Variants in HIVEP3 observed in about 807,000 individuals in gnomAD.
HIVEP3 encodes HIVEP zinc finger 3.
HIVEP3 carries 49 observed loss-of-function variants against 152.8 expected under a neutral mutation model. The observed-to-expected ratio is 0.32, with a 90% CI of 0.26 to 0.41. The LOEUF (loss-of-function observed/expected upper bound fraction) is 0.41. HIVEP3 is among the 10% of genes least tolerant of loss of function. The pLI, the probability that HIVEP3 is intolerant of heterozygous loss-of-function variation, is 1.00. For missense variants in HIVEP3, 2,790 were observed against 3,103.3 expected (o/e 0.90, Z 2.40); for synonymous variants, 1,269 against 1,289.0 (o/e 0.98, Z 0.33).
chr1:41,884,921 C>T (rs1644320328), intron 1 of HIVEP3, among the ~76,000 whole-genome samples: 1 of 152,156 alleles, frequency 6.6e-6, no homozygotes, highest in Non-Finnish European at 1.5e-5. Flanking sequence ...CACCATAACT[C>T]TTAGCCCAAC....
intron 5 of HIVEP3, among the ~76,000 whole-genome samples, chr1:41,528,221 T>C (rs1397965879): frequency 1.9e-5 from 1 of 51,980 alleles, no homozygotes; most frequent in East Asian, 6.5e-4. Context: ...ACCTTCACAC[T>C]CCACCCTCAC....
chr1:41,901,909 G>A (rs748551042), intron 1 of HIVEP3, among the ~76,000 whole-genome samples: 7 of 152,172 alleles, frequency 4.6e-5, no homozygotes, highest in Admixed American at 1.3e-4. Flanking sequence ...CTGTTAGGGC[G>A]AGCTCCTTGT....
chr1:41,966,353 T>C (rs1371760382), intron 1 of HIVEP3, among the ~76,000 whole-genome samples: 1 of 152,156 alleles, frequency 6.6e-6, no homozygotes, highest in African/African-American at 2.4e-5. Flanking sequence ...AGCATCATGA[T>C]GACGGGATCA....
At chr1:41,915,317 A>T (rs1181299551) in intron 1 of HIVEP3, among the ~76,000 whole-genome samples, 1 of 152,204 alleles carries the variant, frequency 6.6e-6, no homozygotes, top group African/African-American at 2.4e-5. Flanking sequence ...GCTTACATTA[A>T]ATGCTCATAT....
intron 5 of HIVEP3, among the ~76,000 whole-genome samples, chr1:41,537,095 C>T (rs116054241): frequency 0.015 from 2,266 of 152,266 alleles, 50 homozygotes; most frequent in African/African-American, 0.049. Flanking sequence ...CCTTCAAGCC[C>T]GTGACTTTTC....
intron 6 of HIVEP3, among the ~76,000 whole-genome samples, chr1:41,520,386 T>C (rs1016645368): frequency 2.6e-5 from 4 of 152,138 alleles, no homozygotes; most frequent in Non-Finnish European, 4.4e-5. Context: ...CTCCTGGCCA[T>C]AGTGGGAGCA....
intron 1 of HIVEP3, among the ~76,000 whole-genome samples, chr1:41,869,790 G>GT (rs1278914007): frequency 2.6e-5 from 4 of 152,174 alleles, no homozygotes; most frequent in Non-Finnish European, 4.4e-5. Context: ...AATCTGTACA[G>GT]TTTTTTAATA....
In HIVEP3 at chr1:41,582,213, T is replaced by C. The variant is rs1474110396; in HGVS notation, c.2585A>G (p.Glu862Gly). 6.2e-7 allele frequency: 1 copy of C among 1,614,048 alleles called. No homozygotes were observed. Residue 862 changes from glutamate (E) to glycine (G), a missense_variant, in exon 4 of 9, where the codon GAG becomes GGG. Coordinates refer to ENST00000372583, the MANE Select transcript of HIVEP3 (RefSeq NM_024503.5). The surrounding 1 kb of genome is among the most constrained non-coding windows in gnomAD (Gnocchi z 4.7). ...NIQVPEILVT[E>G]EPDRPDTEPE... ...CTCTGTGTCCGGCCGGTCAGGCTCC[T>C]CAGTTACTAGGATCTCAGGAACCTG...
At chr1:41,518,272 GGA>G (rs1157759492) in intron 7 of HIVEP3, 128 bp downstream of exon 7, 1 of 781,194 alleles carries the variant, frequency 1.3e-6, no homozygotes, top group East Asian at 2.5e-5. Flanking sequence ...GCTATTGGAG[GGA>G]GAGAGGGGAG....
chr1:41,837,489 G>A (rs749293595), intron 1 of HIVEP3, among the ~76,000 whole-genome samples: 4 of 151,932 alleles, frequency 2.6e-5, no homozygotes, highest in Non-Finnish European at 5.9e-5. Flanking sequence ...ACCACACCCC[G>A]CTAATTTTAT....
intron 1 of HIVEP3, among the ~76,000 whole-genome samples, chr1:41,793,537 C>A (rs1649816526): frequency 6.6e-6 from 1 of 152,078 alleles, no homozygotes; most frequent in African/African-American, 2.4e-5. Flanking sequence ...CCTTTCCCAC[C>A]ACATCATAAG....
chr1:41,816,726 C>T (rs1651290828), intron 1 of HIVEP3, among the ~76,000 whole-genome samples: 2 of 152,170 alleles, frequency 1.3e-5, no homozygotes, highest in African/African-American at 4.8e-5. Context: ...TCTATTCTTA[C>T]AGCATTTGTT....
rs866221007 is a variant in HIVEP3 at position 41,757,261 on chromosome 1, G to A, written c.-800-56266C>T. Among the ~76,000 whole-genome samples, 47 of 151,766 alleles carry A rather than the reference G, an allele frequency of 3.1e-4. No individual in the cohort carries two copies. In the Middle Eastern group the frequency reaches 0.024, roughly 77 times the overall value. On this transcript the variant is annotated intron_variant, in intron 1 of 8. Transcript: ENST00000372583. ...CTCCCGAGTAGCTGGGACTACAGGC[G>A]CCTGCCACCATGCCCGGCTAATTTT...
chr1:41,577,956 G>A (rs924932993), intron 4 of HIVEP3, among the ~76,000 whole-genome samples: 1 of 152,198 alleles, frequency 6.6e-6, no homozygotes, highest in Non-Finnish European at 1.5e-5. Context: ...CCAAGAAAAA[G>A]TTCGCAGGTT....
At chr1:41,618,826 C>T (rs1042469803) in intron 3 of HIVEP3, among the ~76,000 whole-genome samples, 1 of 152,188 alleles carries the variant, frequency 6.6e-6, no homozygotes, top group African/African-American at 2.4e-5. Context: ...AGCCTGGCTC[C>T]CCTCTCAGAA....
intron 1 of HIVEP3, among the ~76,000 whole-genome samples, chr1:42,032,147 G>A (rs564925307): frequency 3.3e-5 from 5 of 152,218 alleles, no homozygotes; most frequent in South Asian, 2.1e-4. Flanking sequence ...CAGCCAATGC[G>A]CCCCCGGCCC....
intron 1 of HIVEP3, among the ~76,000 whole-genome samples, chr1:41,902,319 C>A (rs1454200746): frequency 6.6e-6 from 1 of 152,120 alleles, no homozygotes; most frequent in Non-Finnish European, 1.5e-5. Context: ...GAAATGTCCC[C>A]AGAGTGGTCG....
intron 1 of HIVEP3, among the ~76,000 whole-genome samples, chr1:41,946,311 G>A (rs534009612): frequency 5.2e-4 from 79 of 152,296 alleles, no homozygotes; most frequent in African/African-American, 1.7e-3. Flanking sequence ...GAGGGTGCCC[G>A]GGGCAAGTGC....
intron 1 of HIVEP3, among the ~76,000 whole-genome samples, chr1:41,988,305 A>C (rs1645335924): frequency 6.6e-6 from 1 of 152,194 alleles, no homozygotes; most frequent in African/African-American, 2.4e-5. Context: ...TAACCTGAAC[A>C]GGAGAAAATA....
Sources: allele counts gnomAD v4.1 joint callset (sites outside exome capture counted in the v4.1 genomes callset), GRCh38; gene constraint gnomAD v4.1.1; non-coding constraint Gnocchi (gnomAD v3.1); transcripts MANE v1.5; gene names NCBI Gene and HGNC (gene_info 2026-07-23, HGNC 2026-07-21).